The following BIN1 variants were observed in gnomAD, a reference collection of about 807,000 sequenced individuals.
BIN1 encodes bridging integrator 1, also known as myc box-dependent-interacting protein 1.
In BIN1, 53 loss-of-function variants were observed where a neutral mutation model predicts 82.0. The observed-to-expected ratio is 0.65, with a 90% CI of 0.52 to 0.81. BIN1 has a LOEUF of 0.81. BIN1 is among the 40% of genes least tolerant of loss of function. The pLI, the probability that BIN1 is intolerant of heterozygous loss-of-function variation, is 0.00. For synonymous variants in BIN1, 302 were observed against 328.0 expected (o/e 0.92, Z 0.86); for missense variants, 642 against 784.4 (o/e 0.82, Z 2.17).
rs1206630730 is a variant in BIN1 at position 127,059,798 on chromosome 2, T to C, written c.858-643A>G. On this transcript the variant is annotated intron_variant, in intron 10 of 18. Coordinates refer to ENST00000316724, the MANE Select transcript of BIN1 (RefSeq NM_139343.3). The surrounding 1 kb of genome is among the most constrained non-coding windows in gnomAD (Gnocchi z 6.7). ...ACAGGTCCTGAGCCATGGCGTTCAG[T>C]GCCAGAACCCAAGGCGGAGGTGGTG... Among the ~76,000 whole-genome samples, 2 of 152,080 alleles carry C rather than the reference T, an allele frequency of 1.3e-5. No individual in the cohort carries two copies. Among genetic ancestry groups the C allele is most frequent in the African/African-American group, 4.8e-5 (2 of 41,412 alleles).
chr2:127,078,935 G>A lies in BIN1; in HGVS notation c.85-2229C>T, dbSNP rs1573702938. ...AGAAGTCTACCAGAGCCACCAGAGA[G>A]AGCCAGAAGCTCTCAGAAACAGGGC... On this transcript the variant is annotated intron_variant, in intron 1 of 18. Transcript: ENST00000316724. 4.0e-5 allele frequency among the ~76,000 whole-genome samples: 6 copies of A among 151,694 alleles called. No individual in the cohort carries two copies. The South Asian group carries it at 1.3e-3, about 32-fold the overall frequency.
chr2:127,071,497 G>A (rs1167857805), intron 2 of BIN1, among the ~76,000 whole-genome samples: 1 of 152,168 alleles, frequency 6.6e-6, no homozygotes, highest in Admixed American at 6.5e-5. Context: ...CCTGAGCAGG[G>A]AGAGTGTCCT....
In BIN1 at chr2:127,059,162, G is replaced by A. The variant is rs1325593882; in HGVS notation, c.858-7C>T. 1 of 1,569,796 alleles carries A rather than the reference G, an allele frequency of 6.4e-7. No homozygotes were observed. On this transcript the variant is annotated splice_polypyrimidine_tract_variant and splice_region_variant and intron_variant, in intron 10 of 18. Coordinates refer to ENST00000316724, the MANE Select transcript of BIN1 (RefSeq NM_139343.3). This position sits in a 1 kb window ranked among gnomAD's most constrained non-coding sequence, Gnocchi z 6.7. ...TTTTGCAGGCGCGTTGTCACTGTGG[G>A]GGAGGACAAGAAAGGGAGCCCAGTG... is the stretch of plus-strand genomic sequence containing the variant.
In BIN1 at chr2:127,059,254, A is replaced by G; in HGVS notation, c.858-99T>C. On this transcript the variant is annotated intron_variant, in intron 10 of 18. Coordinates refer to ENST00000316724, the MANE Select transcript of BIN1 (RefSeq NM_139343.3). This position sits in a 1 kb window ranked among gnomAD's most constrained non-coding sequence, Gnocchi z 6.7. Reference sequence around the variant, plus strand: ...GACGTCTGTGTGAAGAGGTGTGTGCATATGGAGGTGTGAAACTGTGTGTGT... The same window carrying G: ...GACGTCTGTGTGAAGAGGTGTGTGCGTATGGAGGTGTGAAACTGTGTGTGT... The G allele has an allele frequency of 8.2e-7, 1 of 1,218,850 alleles. No individual in the cohort carries two copies. The highest frequency in any genetic ancestry group is 1.1e-6 in the Non-Finnish European group (1 of 911,436). 75.5% of individuals were successfully genotyped at this position (1,218,850 alleles called of 1,614,324 possible). A position where few individuals can be genotyped will look rare whatever the true frequency, so the allele number is the denominator to read the frequency against.
At position 127,059,177 on chromosome 2, in the gene BIN1, G is replaced by A. The variant is rs747038053; in HGVS notation, c.858-22C>T. ...GTCACTGTGGGGGAGGACAAGAAAGGGAGCCCAGTGTTGGGGGGCCAAGGC... is the reference window on the plus strand; with the variant it reads ...GTCACTGTGGGGGAGGACAAGAAAGAGAGCCCAGTGTTGGGGGGCCAAGGC... On this transcript the variant is annotated intron_variant, in intron 10 of 18. Transcript: ENST00000316724. The surrounding 1 kb of genome is among the most constrained non-coding windows in gnomAD (Gnocchi z 6.7). 1 of 1,560,788 alleles carries A rather than the reference G, an allele frequency of 6.4e-7. No individual in the cohort carries two copies. Among genetic ancestry groups the A allele is most frequent in the Non-Finnish European group, 8.7e-7 (1 of 1,153,156 alleles).
intron 5 of BIN1, 150 bp downstream of exon 5, chr2:127,069,845 G>T: frequency 1.4e-6 from 1 of 726,568 alleles, no homozygotes. Flanking sequence ...GGTGGCAGAG[G>T]GAGCAACCCC....
In BIN1 at chr2:127,050,514, G is replaced by T. The variant is rs1682777583; in HGVS notation, c.1581C>A (p.Ala527=). 4 of 1,614,224 alleles carry T rather than the reference G, an allele frequency of 2.5e-6. No individual in the cohort carries two copies. Among genetic ancestry groups the T allele is most frequent in the Non-Finnish European group, 3.4e-6 (4 of 1,180,042 alleles). Residue 527 remains alanine (A), a synonymous_variant, in exon 18 of 19, where the codon GCC becomes GCA. Coordinates refer to ENST00000316724, the MANE Select transcript of BIN1 (RefSeq NM_139343.3). The stretch of plus-strand genomic sequence containing the variant: ...TGTCAGTGGCCGTGTAGTCGTGCTG[G>T]GCCTGTACCTGCAGAGGATGCGGAT... ...LPPGFMFKVQ[A]QHDYTATDTD...
At chr2:127,051,281 C>G in intron 15 of BIN1, 38 bp from the exon 16 acceptor site, 1 of 1,604,978 alleles carries the variant, frequency 6.2e-7, no homozygotes, top group Non-Finnish European at 8.5e-7. Context: ...AGACACAGGA[C>G]AGGACACAGC....
At chr2:127,056,824 T>C (rs1683738779) in intron 12 of BIN1, among the ~76,000 whole-genome samples, 1 of 152,164 alleles carries the variant, frequency 6.6e-6, no homozygotes, top group African/African-American at 2.4e-5. Flanking sequence ...ATGAAGGACG[T>C]AAGACCTGGG....
rs1679243159 is a variant in BIN1 at position 127,093,817 on chromosome 2, G to A, written c.84+13043C>T. On this transcript the variant is annotated intron_variant, in intron 1 of 18. Transcript: ENST00000316724. The surrounding 1 kb of genome is among the most constrained non-coding windows in gnomAD (Gnocchi z 5.7). ...CGTTTCCGCCCCTGCCGCTCTCTCT[G>A]GACAATCCCCTCCCCTTCCTTCCTT... 6.6e-6 allele frequency among the ~76,000 whole-genome samples: 1 copy of A among 152,168 alleles called. No homozygotes were observed. Among genetic ancestry groups the A allele is most frequent in the Admixed American group, 6.5e-5 (1 of 15,272 alleles).
intron 5 of BIN1, among the ~76,000 whole-genome samples, chr2:127,069,776 G>T (rs1685638438): frequency 1.3e-5 from 2 of 149,904 alleles, no homozygotes; most frequent in Admixed American, 1.3e-4. Flanking sequence ...GTGCCGTGAG[G>T]CTTCCTCCCA....
chr2:127,051,342 G>A (rs557284206), intron 15 of BIN1, 99 bp from the exon 16 acceptor site: 23 of 1,223,202 alleles, frequency 1.9e-5, no homozygotes, highest in Middle Eastern at 1.9e-4. Flanking sequence ...CGACAGGGCC[G>A]GGGGCATCGC....
chr2:127,068,872 G>C lies in BIN1; in HGVS notation c.519+52C>G, dbSNP rs372032110. ...TCCACCCTCGGGGTCCTAGACACCC[G>C]CCCTCTCTCAGCCCCCTGCAGACGC... On this transcript the variant is annotated intron_variant, in intron 6 of 18. Coordinates refer to ENST00000316724, the MANE Select transcript of BIN1 (RefSeq NM_139343.3). The surrounding 1 kb of genome is among the most constrained non-coding windows in gnomAD (Gnocchi z 4.9). The C allele has an allele frequency of 6.5e-7, 1 of 1,538,132 alleles. No homozygotes were observed. Among genetic ancestry groups the C allele is most frequent in the Non-Finnish European group, 9.0e-7 (1 of 1,112,498 alleles).
intron 2 of BIN1, among the ~76,000 whole-genome samples, chr2:127,072,330 G>C (rs1685991591): frequency 6.6e-6 from 1 of 152,194 alleles, no homozygotes; most frequent in African/African-American, 2.4e-5. Context: ...GTGCCCTAGG[G>C]GCCAGCACCT....
chr2:127,055,145 T>G (rs1683480432), intron 12 of BIN1: 1 of 152,322 alleles, frequency 6.6e-6, no homozygotes, highest in African/African-American at 2.4e-5. Context: ...CTACACACTC[T>G]TGACAGGCAC....
chr2:127,081,931 G>A (rs1687346546), intron 1 of BIN1: 5 of 1,256,130 alleles, frequency 4.0e-6, no homozygotes, highest in South Asian at 2.6e-5. Context: ...GCGGTCGGGG[G>A]CCACGGAGGC....
At chr2:127,061,972 C>G in intron 10 of BIN1, 143 bp downstream of exon 10, 1 of 879,748 alleles carries the variant, frequency 1.1e-6, no homozygotes, top group Non-Finnish European at 1.7e-6. Context: ...TCCCTGAGCA[C>G]AGAGAGGCCA....
chr2:127,051,026 C>T (rs1415119536), intron 16 of BIN1, 114 bp from the exon 17 acceptor site: 13 of 1,497,306 alleles, frequency 8.7e-6, no homozygotes, highest in South Asian at 2.3e-5. Context: ...GGTGCCAGAC[C>T]GGCCCGCCTC....
At chr2:127,058,911 G>T in intron 11 of BIN1, 100 bp downstream of exon 11, 1 of 1,503,302 alleles carries the variant, frequency 6.7e-7, no homozygotes. Flanking sequence ...AGCTGCCCAG[G>T]CCAGAAAGGG....
Sources: allele counts gnomAD v4.1 joint callset (sites outside exome capture counted in the v4.1 genomes callset), GRCh38; gene constraint gnomAD v4.1.1; non-coding constraint Gnocchi (gnomAD v3.1); transcripts MANE v1.5; gene names NCBI Gene and HGNC (gene_info 2026-07-23, HGNC 2026-07-21).